The following USP24 variants were observed in gnomAD, a reference collection of about 807,000 sequenced individuals.
USP24 encodes ubiquitin specific peptidase 24.
USP24 carries 97 observed loss-of-function variants against 361.6 expected under a neutral mutation model. The observed-to-expected ratio is 0.27, with a 90% confidence interval of 0.23 to 0.32. The LOEUF is 0.32. Ranked by LOEUF, USP24 falls within the 10% of genes least tolerant of loss-of-function variation. USP24 has a pLI of 1.00. For synonymous variants in USP24, 1,098 were observed against 1,124.6 expected, an observed-to-expected ratio of 0.98 and a Z score of 0.47; for missense variants, 2,353 against 3,165.6, an observed-to-expected ratio of 0.74 and a Z score of 6.16.
At chr1:55,102,637 T>C (rs1570406720) in intron 42 of USP24, among the ~76,000 whole-genome samples, 2 of 152,158 alleles carry the variant, frequency 1.3e-5, no homozygotes, top group African/African-American at 4.8e-5. Flanking sequence ...AGCAGGATTA[T>C]TTCTAAGACC....
At position 55,101,573 on chromosome 1, in the gene USP24, AAAG is replaced by A; in HGVS notation, c.5145+8_5145+10del. ...TCTATCGTACCAAAAAGGATAGAAAAAAGAAATCACCTCAGGGAGCCCAGGTTG... is the reference window on the plus strand; with the variant it reads ...TCTATCGTACCAAAAAGGATAGAAAAAAATCACCTCAGGGAGCCCAGGTTG... On this transcript the variant is annotated splice_region_variant and intron_variant, in intron 43 of 67. Transcript: ENST00000294383. 2 of 1,600,852 alleles carry A rather than the reference AAAG, an allele frequency of 1.2e-6. No homozygotes were observed. The highest frequency in any genetic ancestry group is 1.7e-6 in the Non-Finnish European group (2 of 1,173,362).
Position 55,132,584 on chromosome 1 carries a change from G to T in USP24, c.3498C>A (p.Ala1166=), listed in dbSNP as rs767713018. 16 of 1,613,556 alleles carry T rather than the reference G, an allele frequency of 9.9e-6. 1 individual carries two copies. The East Asian group carries it at 3.3e-4, about 34-fold the overall frequency. The part of the protein sequence containing the change: ...SILESLFRSF[A]PGMSTFRVLY... ...GCACTCTGAAGGTAGACATTCCCGG[G>T]GCAAAAGATCGAAACAGACTTTCTA... The change falls in exon 31 of 68, where the codon GCC becomes GCA. Residue 1166 remains alanine (A), a synonymous_variant. Coordinates refer to ENST00000294383, the MANE Select transcript of USP24 (RefSeq NM_015306.3).
chr1:55,094,237 A>G (rs536637559), intron 51 of USP24, 150 bp from the exon 52 acceptor site: 1 of 755,106 alleles, frequency 1.3e-6, no homozygotes, highest in Admixed American at 3.1e-5. Context: ...ATAAATATAT[A>G]CAATCATAAT....
chr1:55,139,588 T>C (rs1646831823), intron 24 of USP24, among the ~76,000 whole-genome samples: 1 of 152,216 alleles, frequency 6.6e-6, no homozygotes, highest in Non-Finnish European at 1.5e-5. Context: ...CATAGCCCCA[T>C]ACTTTACTAA....
chr1:55,079,087 G>A (rs1204322681), intron 60 of USP24, among the ~76,000 whole-genome samples: 1 of 152,150 alleles, frequency 6.6e-6, no homozygotes, highest in African/African-American at 2.4e-5. Context: ...CCACAGCTGG[G>A]GGCGGCTCTG....
At chr1:55,099,716 C>T (rs1645583548) in intron 45 of USP24, 55 bp downstream of exon 45, 1 of 1,279,598 alleles carries the variant, frequency 7.8e-7, no homozygotes, top group Non-Finnish European at 1.1e-6. Flanking sequence ...AGACACTATT[C>T]TCATACTATA....
intron 13 of USP24, 65 bp downstream of exon 13, chr1:55,154,606 T>G: frequency 5.3e-6 from 8 of 1,497,034 alleles, no homozygotes; most frequent in Admixed American, 1.8e-5. Context: ...GGAGGGGTAT[T>G]CAGGACCTCA....
Position 55,154,694 on chromosome 1 carries a change from G to A in USP24, c.1531C>T (p.His511Tyr), listed in dbSNP as rs1299696345. 3.1e-6 allele frequency: 5 copies of A among 1,613,070 alleles called. No homozygotes were observed. In the African/African-American group the frequency reaches 6.7e-5, roughly 22 times the overall value. ...AVKFNSDQLNHLFVLIQKSWE... is the reference protein window; with the variant it reads ...AVKFNSDQLNYLFVLIQKSWE... ...ACCTTCTGAATGAGAACAAACAAATGATTAAGCTGATCTGAATTAAATTTC... is the reference window on the plus strand; with the variant it reads ...ACCTTCTGAATGAGAACAAACAAATAATTAAGCTGATCTGAATTAAATTTC... Residue 511 changes from histidine to tyrosine, a missense_variant, in exon 13 of 68, where the codon CAT becomes TAT. Physicochemically the swap from His to Tyr is moderately conservative, Grantham distance 83 (BLOSUM62 2). Coordinates refer to ENST00000294383, the MANE Select transcript of USP24 (RefSeq NM_015306.3).
chr1:55,191,987 C>T (rs988220541), intron 1 of USP24, among the ~76,000 whole-genome samples: 2 of 152,078 alleles, frequency 1.3e-5, no homozygotes, highest in Non-Finnish European at 1.5e-5. Context: ...CGTTGCTATC[C>T]ATATCCAGAA....
At chr1:55,096,394 AAAT>A (rs1203190474) in intron 50 of USP24, 101 bp downstream of exon 50, 1 of 1,022,482 alleles carries the variant, frequency 9.8e-7, no homozygotes, top group African/African-American at 1.7e-5. Context: ...AGTACAATAA[AAAT>A]AACAAAATCT....
chr1:55,211,794 C>A (rs1644852185), intron 1 of USP24, among the ~76,000 whole-genome samples: 1 of 152,100 alleles, frequency 6.6e-6, no homozygotes, highest in African/African-American at 2.4e-5. Context: ...TAAGTCATTT[C>A]TTTCTTTTCT....
chr1:55,176,579 C>A (rs1650002838), intron 2 of USP24, 136 bp from the exon 3 acceptor site: 1 of 738,134 alleles, frequency 1.4e-6, no homozygotes, highest in Non-Finnish European at 2.2e-6. Flanking sequence ...TAAATCCATA[C>A]ATATGGAACT....
Position 55,072,818 on chromosome 1 carries a change from A to G in USP24, c.7570T>C (p.Trp2524Arg). The G allele has an allele frequency of 6.2e-7, 1 of 1,607,786 alleles. No homozygotes were observed. The highest frequency in any genetic ancestry group is 8.5e-7 in the Non-Finnish European group (1 of 1,177,084). Residue 2524 changes from tryptophan (W) to arginine (R), a missense_variant, in exon 65 of 68, where the codon TGG becomes CGG. By Grantham distance (101) the Trp-to-Arg change is moderately radical. Transcript: ENST00000294383. ...TGTAGCCACTGCACAGCCCAGCTCC[A>G]GTGGTGGGAATTCTCCTTGAAGTAC... ...KEYFKENSHHWSWAVQWLQKK... is the reference protein window; with the variant it reads ...KEYFKENSHHRSWAVQWLQKK...
intron 47 of USP24, 27 bp downstream of exon 47, chr1:55,097,916 G>A (rs1448637343): frequency 6.4e-7 from 1 of 1,572,622 alleles, no homozygotes. Flanking sequence ...AATTAATCTT[G>A]TTTTTTAAAA....
At chr1:55,153,170 G>A (rs989337222) in intron 16 of USP24, among the ~76,000 whole-genome samples, 2 of 152,196 alleles carry the variant, frequency 1.3e-5, no homozygotes, top group Non-Finnish European at 2.9e-5. Context: ...ACAGTCCACT[G>A]AGCTGGCTGC....
In USP24 at chr1:55,210,353, A is replaced by T. The variant is rs374962573; in HGVS notation, c.324+4437T>A. ...TTCAACTGATTTGGGAAATTATTTC[A>T]TTTTTTTACTCTAAAGCCTTTAAAG... On this transcript the variant is annotated intron_variant, in intron 1 of 67. Transcript: ENST00000294383. Among the ~76,000 whole-genome samples, 131 of 151,968 alleles carry T rather than the reference A, an allele frequency of 8.6e-4. 4 individuals are homozygous for T. In the South Asian group the frequency reaches 0.026, roughly 30 times the overall value.
At chr1:55,166,649 C>T (rs1002588079) in intron 5 of USP24, 46 bp from the exon 6 acceptor site, 20 of 1,454,024 alleles carry the variant, frequency 1.4e-5, no homozygotes, top group Non-Finnish European at 1.9e-5. Flanking sequence ...ATAAAAGCTT[C>T]CCCATTAACC....
At chr1:55,106,358 C>T in intron 40 of USP24, 95 bp from the exon 41 acceptor site, 2 of 830,672 alleles carry the variant, frequency 2.4e-6, no homozygotes, top group Non-Finnish European at 3.9e-6. Flanking sequence ...CAAAGGTACC[C>T]AATGCCACCC....
At chr1:55,174,541 C>T (rs1276669166) in intron 3 of USP24, among the ~76,000 whole-genome samples, 6 of 152,322 alleles carry the variant, frequency 3.9e-5, no homozygotes, top group African/African-American at 9.6e-5. Flanking sequence ...ATTTATTATA[C>T]TGCTCCTAAC....
Sources: gnomAD v4.1 joint callset for allele counts (sites outside exome capture counted in the v4.1 genomes callset) on GRCh38, gnomAD v4.1.1 for gene constraint, MANE v1.5 for transcripts, NCBI Gene and HGNC (gene_info 2026-07-23, HGNC 2026-07-21) for gene names.